The following MAST4 variants were observed in gnomAD, a reference collection of about 807,000 sequenced individuals.
MAST4 encodes microtubule-associated serine/threonine-protein kinase 4.
A neutral mutation model predicts 162.7 loss-of-function variants in MAST4; 89 were observed. The observed-to-expected ratio is 0.55, with a 90% CI of 0.46 to 0.65. The LOEUF (loss-of-function observed/expected upper bound fraction) is 0.65, where lower values mean the gene tolerates loss of function less well. Among genes scored for constraint, MAST4 ranks in the 30% least tolerant of loss-of-function variants. The pLI is 0.00. For missense variants in MAST4, 3,153 were observed against 3,374.0 expected, an observed-to-expected ratio of 0.93 and a Z score of 1.62; for synonymous variants, 1,479 against 1,361.1, an observed-to-expected ratio of 1.09 and a Z score of -1.91.
In MAST4 at chr5:66,822,659, C is replaced by T. The variant is rs1022263992; in HGVS notation, c.642+33865C>T. ...GTTTCCCCTCTAAAGTAGCTGGGGC[C>T]CTGCTGCGTTTCTCTCTTATAGGCA... is the stretch of plus-strand genomic sequence containing the variant. On this transcript the variant is annotated intron_variant, in intron 3 of 28. Transcript: ENST00000403625. Among the ~76,000 whole-genome samples, 4 of 152,056 alleles carry T rather than the reference C, an allele frequency of 2.6e-5. No individual in the cohort carries two copies. The South Asian group carries it at 8.3e-4, about 32-fold the overall frequency.
Position 67,078,911 on chromosome 5 carries a change from A to AATAAATAAATAAATAT in MAST4, c.764-11248_764-11247insAATAAATAAATATATA, listed in dbSNP as rs1227485756. ...TTATATATTTATATATTTTTATATA[A>AATAAATAAATAAATAT]ATATATATATATATATATATATATA... On this transcript the variant is annotated intron_variant, in intron 5 of 28. Coordinates refer to ENST00000403625, the MANE Select transcript of MAST4 (RefSeq NM_001164664.2). Among the ~76,000 whole-genome samples, 41 of 38,100 alleles carry AATAAATAAATAAATAT rather than the reference A, an allele frequency of 1.1e-3. 1 individual carries two copies. The highest frequency in any genetic ancestry group is 4.7e-3 in the African/African-American group (38 of 8,072). 25.0% of individuals were successfully genotyped at this position (38,100 alleles called of 152,430 possible).
At chr5:66,625,000 G>C (rs1433898489) in intron 1 of MAST4, among the ~76,000 whole-genome samples, 1 of 152,038 alleles carries the variant, frequency 6.6e-6, no homozygotes, top group East Asian at 1.9e-4. Context: ...AAACTAAAAA[G>C]CTTCGTCGTA....
chr5:66,679,590 C>T (rs1420374961), intron 1 of MAST4, among the ~76,000 whole-genome samples: 2 of 152,102 alleles, frequency 1.3e-5, no homozygotes, highest in Non-Finnish European at 2.9e-5. Flanking sequence ...TCTCTTGCTT[C>T]CCCACTAAAT....
Position 66,939,020 on chromosome 5 carries a change from G to A in MAST4, c.674+39038G>A, listed in dbSNP as rs569575858. Among the ~76,000 whole-genome samples the A allele has an allele frequency of 1.8e-3, 277 of 152,254 alleles. 1 individual carries two copies. The highest frequency in any genetic ancestry group is 6.4e-3 in the African/African-American group (265 of 41,572). On this transcript the variant is annotated intron_variant, in intron 4 of 28. Transcript: ENST00000403625. ...AAAAACATGTGACCAAAAGACAGTAGACAGACAATATAATGTGCATTTGCA... is the reference window on the plus strand; with the variant it reads ...AAAAACATGTGACCAAAAGACAGTAAACAGACAATATAATGTGCATTTGCA...
intron 1 of MAST4, among the ~76,000 whole-genome samples, chr5:66,738,918 G>C (rs1285164061): frequency 6.6e-6 from 1 of 152,166 alleles, no homozygotes; most frequent in African/African-American, 2.4e-5. Flanking sequence ...CGAACTGTAA[G>C]AAACCTTAGA....
At chr5:67,002,836 T>C (rs1270094885) in intron 4 of MAST4, among the ~76,000 whole-genome samples, 1 of 151,848 alleles carries the variant, frequency 6.6e-6, no homozygotes, top group African/African-American at 2.4e-5. Context: ...CAGTGCTCTG[T>C]ATCACCCCTC....
chr5:66,896,167 A>G (rs1473737678), intron 3 of MAST4, among the ~76,000 whole-genome samples: 10 of 152,030 alleles, frequency 6.6e-5, no homozygotes, highest in Non-Finnish European at 1.5e-4. Flanking sequence ...TTTTTTTCAC[A>G]GCCTTGACAG....
rs755554160 is a variant in MAST4 at position 67,165,551 on chromosome 5, GC to G, written c.6374del (p.Pro2125LeufsTer14). The G allele has an allele frequency of 4.3e-6, 7 of 1,614,016 alleles. No individual in the cohort carries two copies. In the Admixed American group the frequency reaches 1.0e-4, roughly 23 times the overall value. Reference sequence around the variant, plus strand: ...CCAAGGAACCTGAAAGGAAGGAGCAGCCTCTACAAAGGCATCCCAGCAGCAT... The same window carrying G: ...CCAAGGAACCTGAAAGGAAGGAGCAGCTCTACAAAGGCATCCCAGCAGCAT... ...GAKEPERKEQ[P>X]LQRHPSSIPP... On this transcript the variant is annotated frameshift_variant, in exon 29 of 29. Coordinates refer to ENST00000403625, the MANE Select transcript of MAST4 (RefSeq NM_001164664.2). LOFTEE classifies it low-confidence loss of function (END_TRUNC).
intron 4 of MAST4, among the ~76,000 whole-genome samples, chr5:66,994,410 C>T (rs1750398033): frequency 6.6e-6 from 1 of 152,086 alleles, no homozygotes; most frequent in Admixed American, 6.5e-5. Flanking sequence ...TATTAGCATT[C>T]TTAATAATTC....
At chr5:66,968,954 T>G (rs557268051) in intron 4 of MAST4, among the ~76,000 whole-genome samples, 1 of 152,168 alleles carries the variant, frequency 6.6e-6, no homozygotes, top group East Asian at 1.9e-4. Context: ...TAAGGAGGAG[T>G]AGTAGAATGT....
chr5:66,670,801 C>T (rs574200503), intron 1 of MAST4, among the ~76,000 whole-genome samples: 6 of 150,772 alleles, frequency 4.0e-5, no homozygotes, highest in Middle Eastern at 3.2e-3. Context: ...GAGATAAGGA[C>T]GTTACCTGAA....
At position 66,623,761 on chromosome 5, in the gene MAST4, T is replaced by A. The variant is rs192838474; in HGVS notation, c.363+26743T>A. ...CTCTTCGACATTGTACTGGAAGTCC[T>A]AGGCAGAGAAAACAGACAGGAAAAA... On this transcript the variant is annotated intron_variant, in intron 1 of 28. Coordinates refer to ENST00000403625, the MANE Select transcript of MAST4 (RefSeq NM_001164664.2). Among the ~76,000 whole-genome samples the A allele has an allele frequency of 2.8e-3, 428 of 152,296 alleles. 4 individuals carry two copies. Among genetic ancestry groups the A allele is most frequent in the African/African-American group, 9.5e-3 (395 of 41,560 alleles).
chr5:67,159,615 G>T (rs1205798343), intron 26 of MAST4, among the ~76,000 whole-genome samples: 1 of 152,128 alleles, frequency 6.6e-6, no homozygotes, highest in East Asian at 1.9e-4. Flanking sequence ...GAAAGGACAG[G>T]TTTCTCCCCT....
At chr5:66,731,774 G>A (rs1751872491) in intron 1 of MAST4, among the ~76,000 whole-genome samples, 1 of 151,694 alleles carries the variant, frequency 6.6e-6, no homozygotes, top group African/African-American at 2.4e-5. Flanking sequence ...CTTCCTCTTA[G>A]CTGGATTTTC....
chr5:66,819,964 A>ATT (rs35712503), intron 3 of MAST4, among the ~76,000 whole-genome samples: 10 of 132,134 alleles, frequency 7.6e-5, no homozygotes, highest in Admixed American at 3.0e-4. Flanking sequence ...TTTTCTTTTA[A>ATT]TTTTTTTTTT....
intron 11 of MAST4, among the ~76,000 whole-genome samples, chr5:67,112,204 CATA>C (rs1156892222): frequency 6.6e-6 from 1 of 152,114 alleles, no homozygotes; most frequent in East Asian, 1.9e-4. Flanking sequence ...AGTCAATAAG[CATA>C]ATTGTTTACA....
chr5:66,859,676 A>G (rs1001864299), intron 3 of MAST4, among the ~76,000 whole-genome samples: 1 of 152,228 alleles, frequency 6.6e-6, no homozygotes, highest in East Asian at 1.9e-4. Flanking sequence ...AAGCTGGGTG[A>G]AGGCTTGTCA....
intron 1 of MAST4, among the ~76,000 whole-genome samples, chr5:66,617,475 AT>A (rs5868457): frequency 0.058 from 8,250 of 141,496 alleles, 276 homozygotes; most frequent in Admixed American, 0.11. Context: ...GAGAAGGGTT[AT>A]TTTTTTTTTT....
chr5:66,603,080 C>T (rs201683278), intron 1 of MAST4, among the ~76,000 whole-genome samples: 103 of 152,252 alleles, frequency 6.8e-4, no homozygotes, highest in African/African-American at 2.4e-3. Context: ...TAGGCAGGTA[C>T]ATAATAAGCA....
Sources: gnomAD v4.1 joint callset for allele counts (sites outside exome capture counted in the v4.1 genomes callset) on GRCh38, gnomAD v4.1.1 for gene constraint, MANE v1.5 for transcripts, NCBI Gene and HGNC (gene_info 2026-07-23, HGNC 2026-07-21) for gene names.